DSCAM: variants seen among roughly 807,000 people sequenced by gnomAD.
The protein encoded by DSCAM is cell adhesion molecule DSCAM.
In DSCAM, 47 loss-of-function variants were observed where a neutral mutation model predicts 217.7. The observed-to-expected ratio is 0.22, with a 90% CI of 0.17 to 0.28. The LOEUF (loss-of-function observed/expected upper bound fraction) is 0.28, where lower values mean the gene tolerates loss of function less well. Among genes scored for constraint, DSCAM ranks in the 10% least tolerant of loss-of-function variants. DSCAM has a pLI of 1.00. For synonymous variants in DSCAM, 1,056 were observed against 1,015.3 expected (o/e 1.04, Z -0.76); for missense variants, 2,080 against 2,618.3 (o/e 0.79, Z 4.49).
At position 40,789,250 on chromosome 21, in the gene DSCAM, A is replaced by G. The variant is rs1037196419; in HGVS notation, c.43+57369T>C. Among the ~76,000 whole-genome samples the G allele has an allele frequency of 2.8e-5, 4 of 145,362 alleles. No individual in the cohort carries two copies. The East Asian group carries it at 7.9e-4, about 29-fold the overall frequency. ...ACGAGGAAAGATAGCTGATAGCCGG[A>G]AGAAGACAATCAAGATTAAAAAAAA... On this transcript the variant is annotated intron_variant, in intron 1 of 32. Coordinates refer to ENST00000400454, the MANE Select transcript of DSCAM (RefSeq NM_001389.5).
At chr21:40,338,426 T>C in intron 7 of DSCAM, 50 bp from the exon 8 acceptor site, 1 of 1,553,372 alleles carries the variant, frequency 6.4e-7, no homozygotes, top group Non-Finnish European at 8.8e-7. Flanking sequence ...GTACATCTCA[T>C]GTAGGGAAAT....
At chr21:40,101,732 T>C (rs2089753973) in intron 20 of DSCAM, among the ~76,000 whole-genome samples, 1 of 151,650 alleles carries the variant, frequency 6.6e-6, no homozygotes. Context: ...TAATGAACCA[T>C]CTCAAATACT....
intron 18 of DSCAM, among the ~76,000 whole-genome samples, chr21:40,137,265 G>A (rs1235314056): frequency 1.4e-5 from 2 of 147,442 alleles, no homozygotes; most frequent in Non-Finnish European, 3.0e-5. Context: ...TTAACATTGG[G>A]GGGGGGGTTC....
At chr21:40,596,520 A>G (rs1385824223) in intron 3 of DSCAM, among the ~76,000 whole-genome samples, 1 of 152,246 alleles carries the variant, frequency 6.6e-6, no homozygotes, top group African/African-American at 2.4e-5. Context: ...TCCACAGCAC[A>G]AAGAACCAAA....
chr21:40,496,122 A>T (rs1182547183), intron 3 of DSCAM, among the ~76,000 whole-genome samples: 2 of 152,196 alleles, frequency 1.3e-5, no homozygotes, highest in African/African-American at 4.8e-5. Flanking sequence ...TACAAATTCA[A>T]TGCACTCCCT....
At chr21:40,417,526 G>T (rs1419653037) in intron 3 of DSCAM, among the ~76,000 whole-genome samples, 1 of 150,700 alleles carries the variant, frequency 6.6e-6, no homozygotes, top group Non-Finnish European at 1.5e-5. Context: ...TGTGTCTAAT[G>T]TGTAATATTG....
chr21:40,646,447 T>C (rs1261295140), intron 3 of DSCAM, among the ~76,000 whole-genome samples: 1 of 150,100 alleles, frequency 6.7e-6, no homozygotes, highest in Non-Finnish European at 1.5e-5. Context: ...GTTCACCTGA[T>C]ACCATGAGCA....
At chr21:40,768,201 C>A (rs1338873964) in intron 1 of DSCAM, among the ~76,000 whole-genome samples, 1 of 152,144 alleles carries the variant, frequency 6.6e-6, no homozygotes, top group Non-Finnish European at 1.5e-5. Flanking sequence ...CCCAGTGGCT[C>A]TGAGCCAGGA....
intron 9 of DSCAM, among the ~76,000 whole-genome samples, chr21:40,297,097 G>C (rs1193415609): frequency 2.0e-5 from 3 of 152,082 alleles, no homozygotes; most frequent in Non-Finnish European, 4.4e-5. Context: ...GCCAAAGGGG[G>C]ACTGTGGAGA....
At position 40,360,121 on chromosome 21, in the gene DSCAM, G is replaced by GTTTTTTTTTTTTTTTTTTTTTTTTTT. The variant is rs764160478; in HGVS notation, c.656-6379_656-6378insAAAAAAAAAAAAAAAAAAAAAAAAAA. On this transcript the variant is annotated intron_variant, in intron 4 of 32. Coordinates refer to ENST00000400454, the MANE Select transcript of DSCAM (RefSeq NM_001389.5). ...TAGTGAGCATGGTACTTCATAGGTA[G>GTTTTTTTTTTTTTTTTTTTTTTTTTT]TCTTTTTTTTTTTTTTTTTTTTTTT... 7.3e-5 allele frequency among the ~76,000 whole-genome samples: 6 copies of GTTTTTTTTTTTTTTTTTTTTTTTTTT among 82,656 alleles called. 3 individuals are homozygous for GTTTTTTTTTTTTTTTTTTTTTTTTTT. The highest frequency in any genetic ancestry group is 1.0e-4 in the African/African-American group (2 of 19,900). The allele number at this position is 82,656 out of a possible 152,430, so 54.2% of individuals were successfully genotyped here. A position where few individuals can be genotyped will look rare whatever the true frequency, so the allele number is the denominator to read the frequency against.
chr21:40,334,847 T>C (rs930379531), intron 8 of DSCAM, among the ~76,000 whole-genome samples: 1 of 152,144 alleles, frequency 6.6e-6, no homozygotes, highest in Non-Finnish European at 1.5e-5. Flanking sequence ...TCTGGCCATG[T>C]GACTTTTCTG....
intron 3 of DSCAM, among the ~76,000 whole-genome samples, chr21:40,637,222 AATAT>A (rs1226457638): frequency 1.8e-3 from 6 of 3,388 alleles, no homozygotes; most frequent in Non-Finnish European, 1.9e-3. Context: ...TATAAATATA[AATAT>A]ATATATATAA....
chr21:40,603,657 C>G (rs1396761188), intron 3 of DSCAM, among the ~76,000 whole-genome samples: 2 of 151,910 alleles, frequency 1.3e-5, no homozygotes, highest in Non-Finnish European at 2.9e-5. Flanking sequence ...TTTATTTCTC[C>G]TTCACTTTTG....
At position 40,012,149 on chromosome 21, in the gene DSCAM, G is replaced by A. The variant is rs374620979; in HGVS notation, c.*885C>T. ...AACTCTGGCCATGGGCAGGCAAGGGGCAGAGCTTTGCGACGGGCTTCGAAT... is the reference window on the plus strand; with the variant it reads ...AACTCTGGCCATGGGCAGGCAAGGGACAGAGCTTTGCGACGGGCTTCGAAT... On this transcript the variant is annotated 3_prime_UTR_variant, in exon 33 of 33. Coordinates refer to ENST00000400454, the MANE Select transcript of DSCAM (RefSeq NM_001389.5). The A allele has an allele frequency of 2.0e-5, 3 of 152,242 alleles. No individual in the cohort carries two copies. Among genetic ancestry groups the A allele is most frequent in the Admixed American group, 1.3e-4 (2 of 15,278 alleles). 9.4% of individuals were successfully genotyped at this position (152,242 alleles called of 1,614,324 possible).
At chr21:40,814,860 A>C (rs2091867641) in intron 1 of DSCAM, among the ~76,000 whole-genome samples, 1 of 152,192 alleles carries the variant, frequency 6.6e-6, no homozygotes, top group Non-Finnish European at 1.5e-5. Context: ...CTCACGGTAA[A>C]GGAAAATATT....
intron 3 of DSCAM, among the ~76,000 whole-genome samples, chr21:40,468,524 A>G (rs1179879921): frequency 1.3e-5 from 2 of 152,038 alleles, no homozygotes; most frequent in African/African-American, 4.8e-5. Flanking sequence ...AACAGCAAAT[A>G]TTGCACACAG....
At chr21:40,322,906 G>T (rs949366002) in intron 8 of DSCAM, among the ~76,000 whole-genome samples, 2 of 152,202 alleles carry the variant, frequency 1.3e-5, no homozygotes, top group African/African-American at 4.8e-5. Context: ...ATCTACGTAA[G>T]TGGGAGGAGT....
chr21:40,266,406 T>C (rs1051934308), intron 11 of DSCAM, among the ~76,000 whole-genome samples: 1 of 152,038 alleles, frequency 6.6e-6, no homozygotes, highest in Admixed American at 6.6e-5. Context: ...CTGGTGGGAA[T>C]GTAAATTAGC....
chr21:40,091,723 A>C (rs1298421362), intron 21 of DSCAM, among the ~76,000 whole-genome samples: 1 of 152,136 alleles, frequency 6.6e-6, no homozygotes, highest in African/African-American at 2.4e-5. Context: ...GGGAGGCCTC[A>C]CAATTATGGC....
Sources: gnomAD v4.1 joint callset for allele counts (sites outside exome capture counted in the v4.1 genomes callset) on GRCh38, gnomAD v4.1.1 for gene constraint, MANE v1.5 for transcripts, NCBI Gene and HGNC (gene_info 2026-07-23, HGNC 2026-07-21) for gene names.